ZC3H3: variants seen among roughly 807,000 people sequenced by gnomAD.
The protein encoded by ZC3H3 is zinc finger CCCH domain-containing protein 3.
A neutral mutation model predicts 77.3 loss-of-function variants in ZC3H3; 36 were observed. That is an observed-to-expected ratio of 0.47 (90% CI 0.36 to 0.61). ZC3H3 has a LOEUF of 0.61. ZC3H3 is among the 20% of genes least tolerant of loss of function. The pLI is 0.00. For missense variants in ZC3H3, 1,331 were observed against 1,312.2 expected (o/e 1.01, Z -0.22); for synonymous variants, 626 against 555.2 (o/e 1.13, Z -1.79).
chr8:143,456,160 T>C (rs1360544274), intron 9 of ZC3H3, among the ~76,000 whole-genome samples: 3 of 151,830 alleles, frequency 2.0e-5, no homozygotes, highest in Admixed American at 6.6e-5. Context: ...AAGATCTATA[T>C]TGAAAAACAC....
intron 3 of ZC3H3, among the ~76,000 whole-genome samples, chr8:143,520,427 C>T (rs1312700005): frequency 6.6e-6 from 1 of 152,234 alleles, no homozygotes; most frequent in Non-Finnish European, 1.5e-5. Flanking sequence ...CGATGGCCAG[C>T]TGCCCACCCT....
At chr8:143,465,942 G>C (rs560665849) in intron 8 of ZC3H3, 94 bp from the exon 9 acceptor site, 1 of 1,478,966 alleles carries the variant, frequency 6.8e-7, no homozygotes. Flanking sequence ...CCGCCCGAGA[G>C]AGAAATGGAC....
chr8:143,483,063 A>G lies in ZC3H3; in HGVS notation c.1716-7478T>C, dbSNP rs188253092. Among the ~76,000 whole-genome samples the G allele has an allele frequency of 1.4e-4, 21 of 152,324 alleles. No individual in the cohort carries two copies. The East Asian group carries it at 3.9e-3, about 28-fold the overall frequency. On this transcript the variant is annotated intron_variant, in intron 4 of 11. Coordinates refer to ENST00000262577, the MANE Select transcript of ZC3H3 (RefSeq NM_015117.3). Reference sequence around the variant, plus strand: ...GAGACACAGAGAAAACAACCGGAGAAGCATTTTCAGGAAATGGAGCACAAT... The same window carrying G: ...GAGACACAGAGAAAACAACCGGAGAGGCATTTTCAGGAAATGGAGCACAAT...
In ZC3H3 at chr8:143,464,110, G is replaced by A. The variant is rs544366049; in HGVS notation, c.2307+1607C>T. Among the ~76,000 whole-genome samples, 7 of 152,362 alleles carry A rather than the reference G, an allele frequency of 4.6e-5. No homozygotes were observed. In the East Asian group the frequency reaches 7.7e-4, roughly 17 times the overall value. On this transcript the variant is annotated intron_variant, in intron 9 of 11. Transcript: ENST00000262577. ...GAATAAAATTAACCCTCGCAGGCCC[G>A]GGCTGCCGCCTGTCCCCGCTGGATC...
At chr8:143,449,871 A>T (rs992139409) in intron 9 of ZC3H3, among the ~76,000 whole-genome samples, 3 of 151,668 alleles carry the variant, frequency 2.0e-5, no homozygotes, top group Non-Finnish European at 4.4e-5. Flanking sequence ...GCACATAACA[A>T]AAGTAACCTT....
At chr8:143,481,996 C>T (rs1308299731) in intron 4 of ZC3H3, among the ~76,000 whole-genome samples, 1 of 152,250 alleles carries the variant, frequency 6.6e-6, no homozygotes, top group Non-Finnish European at 1.5e-5. Flanking sequence ...ACCCACCCCA[C>T]CCTGCCAGTT....
chr8:143,475,673 G>A, intron 4 of ZC3H3, 88 bp from the exon 5 acceptor site: 2 of 1,414,508 alleles, frequency 1.4e-6, no homozygotes, highest in Non-Finnish European at 1.9e-6. Flanking sequence ...CCCAGGCCTG[G>A]CCTCCCAAGG....
At chr8:143,480,150 C>T (rs1007319603) in intron 4 of ZC3H3, among the ~76,000 whole-genome samples, 2 of 152,214 alleles carry the variant, frequency 1.3e-5, no homozygotes. Flanking sequence ...GTCACCTGTC[C>T]CCAGGACTTC....
At position 143,468,152 on chromosome 8, in the gene ZC3H3, G is replaced by C; in HGVS notation, c.2175+57C>G. The C allele has an allele frequency of 1.9e-6, 3 of 1,576,942 alleles. No individual in the cohort carries two copies. The South Asian group carries it at 3.4e-5, about 18-fold the overall frequency. On this transcript the variant is annotated intron_variant, in intron 8 of 11. Transcript: ENST00000262577. Reference sequence around the variant, plus strand: ...TGGGCACCATCTGCCCGGAGGCCAGGTGGCTGAGGCCCCGGAGAAAGGTGC... The same window carrying C: ...TGGGCACCATCTGCCCGGAGGCCAGCTGGCTGAGGCCCCGGAGAAAGGTGC...
chr8:143,486,660 A>C (rs899489203), intron 4 of ZC3H3, among the ~76,000 whole-genome samples: 1 of 152,094 alleles, frequency 6.6e-6, no homozygotes, highest in Admixed American at 6.6e-5. Flanking sequence ...CACCCGCTAC[A>C]TGACCCCACC....
intron 8 of ZC3H3, among the ~76,000 whole-genome samples, chr8:143,466,817 T>A (rs896766378): frequency 6.6e-6 from 1 of 152,154 alleles, no homozygotes. Context: ...CCACCCTCCC[T>A]GCTCCCACTA....
At position 143,439,395 on chromosome 8, in the gene ZC3H3, C is replaced by T. The variant is rs151001982; in HGVS notation, c.2815+646G>A. Among the ~76,000 whole-genome samples, 841 of 152,312 alleles carry T rather than the reference C, an allele frequency of 5.5e-3. 9 individuals carry two copies. The highest frequency in any genetic ancestry group is 0.017 in the African/African-American group (708 of 41,572). On this transcript the variant is annotated intron_variant, in intron 11 of 11. Transcript: ENST00000262577. ...TGATAGCCGTATGGTCGCAAATTTG[C>T]AGCCCGCCGAGCTGCGTGGGGTTTA...
At position 143,523,330 on chromosome 8, in the gene ZC3H3, C is replaced by A. The variant is rs139018406; in HGVS notation, c.1561+12927G>T. On this transcript the variant is annotated intron_variant, in intron 3 of 11. Transcript: ENST00000262577. ...AAACCAAGCTCACCTGCAGCGCCAG[C>A]GGCTCAGAGCCAGATGGGGGTCCCA... 9 of 985,418 alleles carry A rather than the reference C, an allele frequency of 9.1e-6. No homozygotes were observed. The South Asian group carries it at 3.8e-4, about 41-fold the overall frequency. The allele number at this position is 985,418 out of a possible 1,614,324, so 61.0% of individuals were successfully genotyped here. A position where few individuals can be genotyped will look rare whatever the true frequency, so the allele number is the denominator to read the frequency against.
intron 3 of ZC3H3, among the ~76,000 whole-genome samples, chr8:143,514,836 G>A (rs981970940): frequency 1.3e-5 from 2 of 152,320 alleles, no homozygotes; most frequent in African/African-American, 4.8e-5. Context: ...CTCCGAGGCA[G>A]GACAGGAAAG....
chr8:143,474,166 C>T (rs575918685), intron 5 of ZC3H3, among the ~76,000 whole-genome samples: 65 of 148,734 alleles, frequency 4.4e-4, no homozygotes, highest in Non-Finnish European at 7.8e-4. Context: ...CCCAGTCCCT[C>T]AAGGTACGGG....
In ZC3H3 at chr8:143,507,776, G is replaced by T. The variant is rs1314918085; in HGVS notation, c.1685C>A (p.Ser562Tyr). The change falls in exon 4 of 12, where the codon TCC (serine) becomes TAC (tyrosine). Residue 562 changes from serine (S) to tyrosine (Y), a missense_variant. Physicochemically the swap from Ser to Tyr is moderately radical, Grantham distance 144 (BLOSUM62 -2). Coordinates refer to ENST00000262577, the MANE Select transcript of ZC3H3 (RefSeq NM_015117.3). ...TAGTGAGAGCCGCCGGGCCCGCCAG[G>T]AGGGCAGAGACAGGGGGAAGGGCGG... The part of the protein sequence containing the change: ...SAPPFPLSLP[S>Y]WRARRLSLSR... 6.3e-7 allele frequency: 1 copy of T among 1,595,436 alleles called. No individual in the cohort carries two copies. Among genetic ancestry groups the T allele is most frequent in the African/African-American group, 1.3e-5 (1 of 74,854 alleles).
At chr8:143,513,225 C>T (rs1226418095) in intron 3 of ZC3H3, among the ~76,000 whole-genome samples, 1 of 152,186 alleles carries the variant, frequency 6.6e-6, no homozygotes, top group Non-Finnish European at 1.5e-5. Context: ...AAGCGCAGGC[C>T]CCACCTTCCC....
intron 3 of ZC3H3, among the ~76,000 whole-genome samples, chr8:143,511,283 C>T (rs1320969237): frequency 6.6e-6 from 1 of 152,202 alleles, no homozygotes; most frequent in Non-Finnish European, 1.5e-5. Flanking sequence ...CCTGCCCACC[C>T]GGCTCACTCT....
At chr8:143,486,732 C>A (rs1188427652) in intron 4 of ZC3H3, among the ~76,000 whole-genome samples, 1 of 151,490 alleles carries the variant, frequency 6.6e-6, no homozygotes, top group Non-Finnish European at 1.5e-5. Context: ...GAAGCTCACA[C>A]ACAAAACAGC....
Sources: allele counts gnomAD v4.1 joint callset (sites outside exome capture counted in the v4.1 genomes callset), GRCh38; gene constraint gnomAD v4.1.1; transcripts MANE v1.5; gene names NCBI Gene and HGNC (gene_info 2026-07-23, HGNC 2026-07-21).